Variants in MTHFD2L observed in about 807,000 individuals in gnomAD.
MTHFD2L encodes bifunctional methylenetetrahydrofolate dehydrogenase/cyclohydrolase 2, mitochondrial.
A neutral mutation model predicts 34.9 loss-of-function variants in MTHFD2L; 29 were observed. The observed-to-expected ratio is 0.83, with a 90% CI of 0.62 to 1.13. MTHFD2L has a LOEUF of 1.13. MTHFD2L is among the 50% of genes most tolerant of loss of function. The pLI, the probability that MTHFD2L is intolerant of heterozygous loss-of-function variation, is 0.00. For missense variants in MTHFD2L, 481 were observed against 446.5 expected, an observed-to-expected ratio of 1.08 and a Z score of -0.70; for synonymous variants, 167 against 155.7, an observed-to-expected ratio of 1.07 and a Z score of -0.54.
intron 7 of MTHFD2L, among the ~76,000 whole-genome samples, 160 bp from the exon 8 acceptor site, chr4:74,301,537 G>A (rs995063152): frequency 7.0e-6 from 1 of 143,554 alleles, no homozygotes; most frequent in East Asian, 2.0e-4. Context: ...GTGAGCGTGT[G>A]TGTGTGTGTG....
intron 3 of MTHFD2L, among the ~76,000 whole-genome samples, chr4:74,185,907 A>G (rs1731148252): frequency 1.3e-5 from 2 of 152,280 alleles, no homozygotes; most frequent in African/African-American, 4.8e-5. Flanking sequence ...TCTGTTACTA[A>G]AAACCTTGCA....
chr4:74,214,381 C>T lies in MTHFD2L; in HGVS notation c.713-10921C>T, dbSNP rs754563122. Reference sequence around the variant, plus strand: ...TTTGGTCTTTGATGTTGGTGTCCTTCGGATGGGGTTTTTGTGTGGACGTCC... The same window carrying T: ...TTTGGTCTTTGATGTTGGTGTCCTTTGGATGGGGTTTTTGTGTGGACGTCC... On this transcript the variant is annotated intron_variant, in intron 5 of 7. Transcript: ENST00000325278. Among the ~76,000 whole-genome samples the T allele has an allele frequency of 1.4e-4, 21 of 151,694 alleles. 1 individual carries two copies. The highest frequency in any genetic ancestry group is 4.6e-4 in the African/African-American group (19 of 41,036).
upstream of MTHFD2L, among the ~76,000 whole-genome samples, chr4:74,155,423 A>G (rs1438182917): frequency 6.6e-6 from 1 of 152,176 alleles, no homozygotes; most frequent in Non-Finnish European, 1.5e-5. Context: ...TCTAAACTTT[A>G]CACTGTAAAC....
intron 5 of MTHFD2L, among the ~76,000 whole-genome samples, chr4:74,215,234 C>T (rs1312314063): frequency 6.6e-6 from 1 of 151,788 alleles, no homozygotes; most frequent in African/African-American, 2.4e-5. Context: ...CCAAGCGACA[C>T]TGGGATATGA....
intron 3 of MTHFD2L, among the ~76,000 whole-genome samples, chr4:74,184,471 TAAC>T (rs1462585319): frequency 6.6e-6 from 1 of 152,160 alleles, no homozygotes; most frequent in African/African-American, 2.4e-5. Flanking sequence ...CAAAAGTAAA[TAAC>T]AACCTTAATA....
chr4:74,274,877 A>G (rs1746414719), intron 6 of MTHFD2L, among the ~76,000 whole-genome samples: 1 of 152,136 alleles, frequency 6.6e-6, no homozygotes, highest in South Asian at 2.1e-4. Context: ...ACTTAGTAAC[A>G]TGTTAGGGTG....
In MTHFD2L at chr4:74,268,776, G is replaced by A. The variant is rs80017243; in HGVS notation, c.806-12649G>A. ...TACACATATGAAAATATCCAGTTGCGGCTGTAATTAGGGAGAATAAGGATA... is the reference window on the plus strand; with the variant it reads ...TACACATATGAAAATATCCAGTTGCAGCTGTAATTAGGGAGAATAAGGATA... On this transcript the variant is annotated intron_variant, in intron 6 of 7. Transcript: ENST00000325278. 4.4e-3 allele frequency among the ~76,000 whole-genome samples: 672 copies of A among 152,144 alleles called. 6 individuals carry two copies. Among genetic ancestry groups the A allele is most frequent in the African/African-American group, 0.015 (604 of 41,504 alleles).
At chr4:74,176,845 A>G (rs1347636300) in intron 3 of MTHFD2L, among the ~76,000 whole-genome samples, 1 of 152,020 alleles carries the variant, frequency 6.6e-6, no homozygotes, top group Non-Finnish European at 1.5e-5. Context: ...TTGATTAACA[A>G]TCGTGATGTG....
At chr4:74,256,657 C>T (rs576463257) in intron 6 of MTHFD2L, among the ~76,000 whole-genome samples, 1 of 152,304 alleles carries the variant, frequency 6.6e-6, no homozygotes, top group East Asian at 1.9e-4. Flanking sequence ...GTCCTTTCCC[C>T]ATTGCTATTT....
At chr4:74,294,884 T>C (rs1251494522) in intron 7 of MTHFD2L, among the ~76,000 whole-genome samples, 1 of 152,060 alleles carries the variant, frequency 6.6e-6, no homozygotes, top group East Asian at 1.9e-4. Flanking sequence ...ACACGGAAGA[T>C]TAGACATGCA....
intron 6 of MTHFD2L, among the ~76,000 whole-genome samples, chr4:74,274,141 T>C (rs985935223): frequency 1.3e-5 from 2 of 152,060 alleles, no homozygotes; most frequent in Non-Finnish European, 2.9e-5. Context: ...CATAAGCCAC[T>C]ACACCCAGCC....
chr4:74,242,075 A>G (rs1560522955), intron 6 of MTHFD2L: 1 of 152,246 alleles, frequency 6.6e-6, no homozygotes, highest in Non-Finnish European at 1.5e-5. Context: ...CCTGGGTATA[A>G]TATTGTCCTG....
In MTHFD2L at chr4:74,284,093, C is replaced by T. The variant is rs144977677; in HGVS notation, c.931+2543C>T. Among the ~76,000 whole-genome samples the T allele has an allele frequency of 3.4e-3, 517 of 152,200 alleles. 1 individual carries two copies. Among genetic ancestry groups the T allele is most frequent in the South Asian group, 9.3e-3 (45 of 4,822 alleles). On this transcript the variant is annotated intron_variant, in intron 7 of 7. Coordinates refer to ENST00000325278, the MANE Select transcript of MTHFD2L (RefSeq NM_001144978.3). ...GATAAAATCAATCGTTGAAGTAAAT[C>T]GTCCTTGCAGAAATCTTTGTTTCAT...
Position 74,158,297 on chromosome 4 carries a change from G to T in MTHFD2L, c.143+16G>T, listed in dbSNP as rs1724601697. The T allele has an allele frequency of 1.6e-6, 2 of 1,284,662 alleles. No individual in the cohort carries two copies. The highest frequency in any genetic ancestry group is 4.2e-5 in the Admixed American group (1 of 23,682). The allele number at this position is 1,284,662 out of a possible 1,614,324, so 79.6% of individuals were successfully genotyped here. A position where few individuals can be genotyped will look rare whatever the true frequency, so the allele number is the denominator to read the frequency against. Reference sequence around the variant, plus strand: ...GCGGTGTGAGGTACGAGGGCTGCGGGCGCCGGGTGCGGAGCCGCTGGCGGT... The same window carrying T: ...GCGGTGTGAGGTACGAGGGCTGCGGTCGCCGGGTGCGGAGCCGCTGGCGGT... On this transcript the variant is annotated intron_variant, in intron 1 of 7. Transcript: ENST00000325278.
chr4:74,225,107 C>T (rs1485521752), intron 5 of MTHFD2L, among the ~76,000 whole-genome samples, 195 bp from the exon 6 acceptor site: 1 of 152,074 alleles, frequency 6.6e-6, no homozygotes, highest in Middle Eastern at 3.2e-3. Flanking sequence ...ATTGATTTTC[C>T]TTTCATTTAA....
chr4:74,143,020 T>C (rs1578249057), intron 1 of MTHFD2L, among the ~76,000 whole-genome samples: 1 of 152,330 alleles, frequency 6.6e-6, no homozygotes, highest in East Asian at 1.9e-4. Context: ...TTACTGATTC[T>C]AACAGCTTTT....
intron 1 of MTHFD2L, among the ~76,000 whole-genome samples, chr4:74,144,326 G>A (rs1298241159): frequency 2.0e-5 from 3 of 152,034 alleles, no homozygotes; most frequent in African/African-American, 4.8e-5. Context: ...GGTGGCAGGC[G>A]CCTGTAGTCC....
chr4:74,146,356 G>A (rs1723594135), intron 1 of MTHFD2L, among the ~76,000 whole-genome samples: 1 of 152,054 alleles, frequency 6.6e-6, no homozygotes, highest in South Asian at 2.1e-4. Context: ...TTTTTAAATT[G>A]TGATAAGTTG....
chr4:74,151,636 CACA>C (rs1190811232), intron 1 of MTHFD2L, among the ~76,000 whole-genome samples: 1 of 152,164 alleles, frequency 6.6e-6, no homozygotes, highest in Non-Finnish European at 1.5e-5. Context: ...ACAGCCTTGG[CACA>C]TAGCAAATTC....
Sources: gnomAD v4.1 joint callset for allele counts (sites outside exome capture counted in the v4.1 genomes callset) on GRCh38, gnomAD v4.1.1 for gene constraint, MANE v1.5 for transcripts, NCBI Gene and HGNC (gene_info 2026-07-23, HGNC 2026-07-21) for gene names.